Variants in TSPAN9 observed in about 807,000 individuals in gnomAD.
TSPAN9 encodes the protein tetraspanin-9.
In TSPAN9, 16 loss-of-function variants were observed where a neutral mutation model predicts 31.0. That is an observed-to-expected ratio of 0.52 (90% CI 0.35 to 0.78). The LOEUF (loss-of-function observed/expected upper bound fraction) is 0.78. Among genes scored for constraint, TSPAN9 ranks in the 30% least tolerant of loss-of-function variants. The probability of loss-of-function intolerance (pLI) is 0.01; values close to 1 mark genes in which losing one functional copy is unlikely to be tolerated. For missense variants in TSPAN9, 272 were observed against 312.5 expected (o/e 0.87, Z 0.98); for synonymous variants, 145 against 121.6 (o/e 1.19, Z -1.27).
Position 3,278,462 on chromosome 12 carries a change from C to G in TSPAN9, c.105C>G (p.Ser35=), listed in dbSNP as rs371410225. Residue 35 remains serine (S), a synonymous_variant, in exon 4 of 9, where the codon TCC becomes TCG. Transcript: ENST00000011898. ...TGCTGGGAGTGGGCATCTGGCTCTC[C>G]GTGTCCCAAGGCAACTTTGCCACCT... ...CGLLGVGIWL[S]VSQGNFATFS... 2.5e-6 allele frequency: 4 copies of G among 1,614,206 alleles called. No individual in the cohort carries two copies. The East Asian group carries it at 8.9e-5, about 36-fold the overall frequency.
At chr12:3,103,912 T>C (rs1177967500) in intron 2 of TSPAN9, among the ~76,000 whole-genome samples, 1 of 151,830 alleles carries the variant, frequency 6.6e-6, no homozygotes, top group Non-Finnish European at 1.5e-5. Context: ...ACAATGAAAA[T>C]TGGTGTATAT....
chr12:3,089,824 T>G (rs1316244418), intron 2 of TSPAN9, among the ~76,000 whole-genome samples: 2 of 152,052 alleles, frequency 1.3e-5, no homozygotes, highest in African/African-American at 4.8e-5. Context: ...GAGGGTTGCC[T>G]GATCCCAGGA....
At chr12:3,084,092 G>A (rs2098299226) in intron 2 of TSPAN9, 1 of 152,212 alleles carries the variant, frequency 6.6e-6, no homozygotes, top group African/African-American at 2.4e-5. Flanking sequence ...CCCACAACAG[G>A]CCAGAAGAGA....
chr12:3,095,493 C>G (rs1475785199), intron 2 of TSPAN9, among the ~76,000 whole-genome samples: 1 of 79,294 alleles, frequency 1.3e-5, no homozygotes, highest in Non-Finnish European at 2.8e-5. Context: ...GCTGGCCGGG[C>G]GGGGGACTGA....
chr12:3,234,152 A>G (rs4765722), intron 3 of TSPAN9, among the ~76,000 whole-genome samples: 136,693 of 152,258 alleles, frequency 0.9, 61,449 homozygotes, highest in East Asian at 0.96. Context: ...AGCCAAGATC[A>G]GGGAAGGAAG....
At chr12:3,226,388 C>T (rs886907062) in intron 3 of TSPAN9, among the ~76,000 whole-genome samples, 4 of 151,984 alleles carry the variant, frequency 2.6e-5, no homozygotes, top group Non-Finnish European at 5.9e-5. Context: ...GTCAGATTCA[C>T]ATCCAAGAAG....
chr12:3,105,774 A>ACACGCGCG (rs1555141408), intron 2 of TSPAN9, among the ~76,000 whole-genome samples: 1 of 136,980 alleles, frequency 7.3e-6, no homozygotes, highest in Non-Finnish European at 1.6e-5. Flanking sequence ...ACGCGCACGC[A>ACACGCGCG]CACACGCTCA....
chr12:3,100,577 CA>C (rs539683497), intron 2 of TSPAN9, among the ~76,000 whole-genome samples: 3 of 152,156 alleles, frequency 2.0e-5, no homozygotes, highest in Non-Finnish European at 4.4e-5. Context: ...GTGTTCTGTC[CA>C]ATTTTTCAGT....
At chr12:3,120,433 C>A (rs2098324531) in intron 2 of TSPAN9, among the ~76,000 whole-genome samples, 1 of 152,164 alleles carries the variant, frequency 6.6e-6, no homozygotes, top group African/African-American at 2.4e-5. Context: ...ACAGCCTTCC[C>A]CTGGAGCCTG....
chr12:3,141,264 GC>G (rs1213924946), intron 2 of TSPAN9, among the ~76,000 whole-genome samples: 1 of 152,086 alleles, frequency 6.6e-6, no homozygotes, highest in African/African-American at 2.4e-5. Flanking sequence ...TCCTCCCTCA[GC>G]TTCCCCAACT....
At chr12:3,132,059 T>C (rs1275783045) in intron 2 of TSPAN9, among the ~76,000 whole-genome samples, 1 of 152,240 alleles carries the variant, frequency 6.6e-6, no homozygotes, top group Admixed American at 6.5e-5. Flanking sequence ...GCACTTAGCG[T>C]ATTTTCAAGG....
At position 3,210,233 on chromosome 12, in the gene TSPAN9, C is replaced by T. The variant is rs147020245; in HGVS notation, c.63+8977C>T. ...TGGGTATATAGGAGTGTAATGGCACCGTGGAGCTTCAGGATATGTACCTGC... is the reference window on the plus strand; with the variant it reads ...TGGGTATATAGGAGTGTAATGGCACTGTGGAGCTTCAGGATATGTACCTGC... On this transcript the variant is annotated intron_variant, in intron 3 of 8. Transcript: ENST00000011898. Among the ~76,000 whole-genome samples, 127 of 152,202 alleles carry T rather than the reference C, an allele frequency of 8.3e-4. 1 individual carries two copies. The East Asian group carries it at 0.018, about 22-fold the overall frequency.
Position 3,093,954 on chromosome 12 carries a change from CT to C in TSPAN9, c.-18+10236del, listed in dbSNP as rs765803145. Among the ~76,000 whole-genome samples, 3 of 152,232 alleles carry C rather than the reference CT, an allele frequency of 2.0e-5. 1 individual carries two copies. Among genetic ancestry groups the C allele is most frequent in the Non-Finnish European group, 4.4e-5 (3 of 68,048 alleles). On this transcript the variant is annotated intron_variant, in intron 2 of 8. Coordinates refer to ENST00000011898, the MANE Select transcript of TSPAN9 (RefSeq NM_006675.5). ...AATAGCTCACTGCAGCCTCCAACTC[CT>C]GGGCTCAAGCAATCCTCCTGCCTCA...
rs143863095 is a variant in TSPAN9, at chr12:3,082,908, A to G, written c.-84-745A>G. Among the ~76,000 whole-genome samples the G allele has an allele frequency of 2.0e-5, 3 of 152,336 alleles. No individual in the cohort carries two copies. In the South Asian group the frequency reaches 6.2e-4, roughly 32 times the overall value. ...TGAAATCACTGCTGTGAGGCACAGAACAGAGTAGGCACAGTGGACCCCTCA... is the reference window on the plus strand; with the variant it reads ...TGAAATCACTGCTGTGAGGCACAGAGCAGAGTAGGCACAGTGGACCCCTCA... On this transcript the variant is annotated intron_variant, in intron 1 of 8. Transcript: ENST00000011898.
At position 3,238,240 on chromosome 12, in the gene TSPAN9, C is replaced by G. The variant is rs557760704; in HGVS notation, c.63+36984C>G. ...CATGGTTAACAGCCACCGAGCTGAG[C>G]CTTGAACCCTGCTTCTGCATCTGTG... On this transcript the variant is annotated intron_variant, in intron 3 of 8. Transcript: ENST00000011898. 1.1e-3 allele frequency among the ~76,000 whole-genome samples: 175 copies of G among 152,316 alleles called. 1 individual carries two copies. Among genetic ancestry groups the G allele is most frequent in the Non-Finnish European group, 1.6e-3 (112 of 68,036 alleles).
At chr12:3,155,596 TA>T (rs200148503) in intron 2 of TSPAN9, among the ~76,000 whole-genome samples, 116 of 146,940 alleles carry the variant, frequency 7.9e-4, no homozygotes, top group Middle Eastern at 3.6e-3. Flanking sequence ...CCTGTCTCTT[TA>T]AAAAAAAAAA....
chr12:3,147,393 G>A lies in TSPAN9; in HGVS notation c.-17-53784G>A, dbSNP rs2098337766. Among the ~76,000 whole-genome samples, 1 of 151,948 alleles carries A rather than the reference G, an allele frequency of 6.6e-6. No homozygotes were observed. The highest frequency in any genetic ancestry group is 1.5e-5 in the Non-Finnish European group (1 of 68,018). On this transcript the variant is annotated intron_variant, in intron 2 of 8. Transcript: ENST00000011898. The surrounding 1 kb of genome is among the most constrained non-coding windows in gnomAD (Gnocchi z 4.3). ...GAGTGTTGGGGCCCGGGAGACCCTC[G>A]CCGAGGAGCAAGGTTGGTGGTGGGC... is the stretch of plus-strand genomic sequence containing the variant.
At chr12:3,259,596 C>T (rs1007362106) in intron 3 of TSPAN9, among the ~76,000 whole-genome samples, 12 of 152,232 alleles carry the variant, frequency 7.9e-5, no homozygotes, top group South Asian at 2.1e-4. Flanking sequence ...TCACAAGAAA[C>T]GGAAAGGAAG....
At chr12:3,246,737 G>T (rs913621447) in intron 3 of TSPAN9, among the ~76,000 whole-genome samples, 14 of 152,158 alleles carry the variant, frequency 9.2e-5, no homozygotes, top group South Asian at 2.1e-4. Flanking sequence ...TGGCTGTTCA[G>T]ATCCATCTGG....
Sources: allele counts gnomAD v4.1 joint callset (sites outside exome capture counted in the v4.1 genomes callset), GRCh38; gene constraint gnomAD v4.1.1; non-coding constraint Gnocchi (gnomAD v3.1); transcripts MANE v1.5; gene names NCBI Gene and HGNC (gene_info 2026-07-23, HGNC 2026-07-21).